Variants in DDR2 observed in about 807,000 individuals in gnomAD.
DDR2 encodes discoidin domain receptor tyrosine kinase 2, also known as discoidin domain-containing receptor 2.
In DDR2, 27 loss-of-function variants were observed where a neutral mutation model predicts 94.9. That is an observed-to-expected ratio of 0.28 (90% confidence interval 0.21 to 0.39). The LOEUF is 0.39. Ranked by LOEUF, DDR2 falls within the 10% of genes least tolerant of loss-of-function variation. The pLI is 1.00. For missense variants in DDR2, 783 were observed against 1,076.0 expected, an observed-to-expected ratio of 0.73 and a Z score of 3.81; for synonymous variants, 382 against 377.2, an observed-to-expected ratio of 1.01 and a Z score of -0.15.
chr1:162,677,142 A>G (rs576025470), intron 2 of DDR2, among the ~76,000 whole-genome samples: 10 of 152,168 alleles, frequency 6.6e-5, no homozygotes, highest in Non-Finnish European at 1.3e-4. Flanking sequence ...AGGAAAAACG[A>G]TAATAGCATA....
At chr1:162,735,987 AG>A (rs1301716817) in intron 3 of DDR2, among the ~76,000 whole-genome samples, 2 of 152,214 alleles carry the variant, frequency 1.3e-5, no homozygotes, top group Non-Finnish European at 2.9e-5. Context: ...GATGCATTAA[AG>A]CCAGGGATGA....
intron 1 of DDR2, among the ~76,000 whole-genome samples, chr1:162,639,347 A>G (rs1251983762): frequency 6.6e-6 from 1 of 152,240 alleles, no homozygotes; most frequent in African/African-American, 2.4e-5. Context: ...AATGTAGCCA[A>G]CTGTTCTTTG....
intron 2 of DDR2, among the ~76,000 whole-genome samples, chr1:162,667,464 G>C (rs940327434): frequency 7.2e-5 from 11 of 152,140 alleles, no homozygotes; most frequent in Admixed American, 3.9e-4. Context: ...TAAAGCACAA[G>C]TCAACAGGAA....
At chr1:162,670,372 C>A (rs964680746) in intron 2 of DDR2, among the ~76,000 whole-genome samples, 1 of 152,224 alleles carries the variant, frequency 6.6e-6, no homozygotes, top group East Asian at 1.9e-4. Context: ...TCCCAAGGTA[C>A]TGGGATTACA....
In DDR2 at chr1:162,761,438, G is replaced by A. The variant is rs774420036; in HGVS notation, c.1083G>A (p.Glu361=). 1 of 1,614,186 alleles carries A rather than the reference G, an allele frequency of 6.2e-7. No homozygotes were observed. Among genetic ancestry groups the A allele is most frequent in the South Asian group, 1.1e-5 (1 of 91,082 alleles). Reference sequence around the variant, plus strand: ...CAGATACCTGGATGATGTTCAGTGAGATCACCTTCCAATCAGGTAGGGAGC... The same window carrying A: ...CAGATACCTGGATGATGTTCAGTGAAATCACCTTCCAATCAGGTAGGGAGC... ...HFADTWMMFS[E]ITFQSDAAMY... Residue 361 remains glutamate (E), a synonymous_variant, in exon 9 of 18, where the codon GAG becomes GAA. Transcript: ENST00000367921.
intron 1 of DDR2, among the ~76,000 whole-genome samples, chr1:162,654,973 TTAA>T (rs1278925818): frequency 1.3e-5 from 2 of 152,216 alleles, no homozygotes; most frequent in Non-Finnish European, 2.9e-5. Flanking sequence ...TTACTATTAT[TTAA>T]TGAGTTAATA....
intron 2 of DDR2, among the ~76,000 whole-genome samples, chr1:162,683,987 T>C (rs967525073): frequency 6.6e-6 from 1 of 152,230 alleles, no homozygotes. Context: ...ATTTGAAGAC[T>C]TATTATATAG....
At chr1:162,660,947 AGTTTG>A in intron 2 of DDR2, among the ~76,000 whole-genome samples, 1 of 152,270 alleles carries the variant, frequency 6.6e-6, no homozygotes, top group East Asian at 1.9e-4. Flanking sequence ...TATAGAAAAC[AGTTTG>A]CTGACCCTGG....
At chr1:162,666,688 T>G (rs898397591) in intron 2 of DDR2, among the ~76,000 whole-genome samples, 1 of 152,124 alleles carries the variant, frequency 6.6e-6, no homozygotes, top group African/African-American at 2.4e-5. Flanking sequence ...TAGCACTTTA[T>G]TTTTTCTGCA....
chr1:162,725,011 C>T (rs1661589133), intron 3 of DDR2, among the ~76,000 whole-genome samples: 1 of 152,142 alleles, frequency 6.6e-6, no homozygotes, highest in African/African-American at 2.4e-5. Context: ...AACAGAAACT[C>T]ATCTGCCCCT....
At chr1:162,735,315 G>A (rs1558054156) in intron 3 of DDR2, among the ~76,000 whole-genome samples, 1 of 152,084 alleles carries the variant, frequency 6.6e-6, no homozygotes, top group Non-Finnish European at 1.5e-5. Flanking sequence ...AGAGGGGAGC[G>A]CTGACATGTG....
At chr1:162,778,786 T>C (rs1373088609) in intron 17 of DDR2, 57 bp downstream of exon 17, 1 of 1,610,610 alleles carries the variant, frequency 6.2e-7, no homozygotes, top group Non-Finnish European at 8.5e-7. Context: ...GGATGGAGAA[T>C]GGCAAGTCCT....
intron 1 of DDR2, among the ~76,000 whole-genome samples, chr1:162,646,118 G>A (rs1657394707): frequency 6.6e-6 from 1 of 152,080 alleles, no homozygotes; most frequent in African/African-American, 2.4e-5. Flanking sequence ...GCTTTCACTG[G>A]GCATTTGTGC....
chr1:162,760,229 C>T (rs531894365), intron 8 of DDR2, among the ~76,000 whole-genome samples: 1 of 152,068 alleles, frequency 6.6e-6, no homozygotes, highest in East Asian at 1.9e-4. Flanking sequence ...GTGACATATC[C>T]ATTAAGCCAA....
chr1:162,760,014 G>C (rs1005174957), intron 8 of DDR2, 35 bp downstream of exon 8: 2 of 1,613,928 alleles, frequency 1.2e-6, no homozygotes, highest in East Asian at 4.5e-5. Flanking sequence ...ACTTCTTTAA[G>C]GAGGCACAAA....
At chr1:162,664,816 G>T (rs1033670365) in intron 2 of DDR2, among the ~76,000 whole-genome samples, 7 of 152,076 alleles carry the variant, frequency 4.6e-5, no homozygotes, top group Non-Finnish European at 8.8e-5. Context: ...ATATTGTAAA[G>T]GAATATTTGT....
intron 3 of DDR2, among the ~76,000 whole-genome samples, chr1:162,747,573 T>C (rs1662946979): frequency 6.6e-6 from 1 of 151,662 alleles, no homozygotes; most frequent in Non-Finnish European, 1.5e-5. Flanking sequence ...TGGAAAACAC[T>C]CTTCAGGGTA....
intron 6 of DDR2, 35 bp downstream of exon 6, chr1:162,755,338 T>G (rs769554930): frequency 4.3e-6 from 7 of 1,612,692 alleles, no homozygotes; most frequent in Non-Finnish European, 3.4e-6. Context: ...ATAGACTTTA[T>G]TAAAAACTCC....
intron 2 of DDR2, among the ~76,000 whole-genome samples, chr1:162,674,677 G>T (rs192388262): frequency 1.9e-4 from 29 of 152,264 alleles, no homozygotes; most frequent in African/African-American, 3.6e-4. Flanking sequence ...ACACAATTTA[G>T]TCAGAAATTT....
Sources: gnomAD v4.1 joint callset for allele counts (sites outside exome capture counted in the v4.1 genomes callset) on GRCh38, gnomAD v4.1.1 for gene constraint, MANE v1.5 for transcripts, NCBI Gene and HGNC (gene_info 2026-07-23, HGNC 2026-07-21) for gene names.